Variants in NXPE4 observed in about 807,000 individuals in gnomAD.
NXPE4 encodes neurexophilin and PC-esterase domain family member 4.
NXPE4 carries 42 observed loss-of-function variants against 33.3 expected under a neutral mutation model. The observed-to-expected ratio is 1.26, with a 90% CI of 0.98 to 1.63. The LOEUF is 1.63. NXPE4 is among the 40% of genes most tolerant of loss of function. The pLI is 0.00. For synonymous variants in NXPE4, 253 were observed against 234.9 expected, an observed-to-expected ratio of 1.08 and a Z score of -0.71; for missense variants, 709 against 647.6, an observed-to-expected ratio of 1.09 and a Z score of -1.03.
chr11:114,592,174 G>A (rs1401020596), intron 2 of NXPE4, among the ~76,000 whole-genome samples: 1 of 152,060 alleles, frequency 6.6e-6, no homozygotes, highest in Non-Finnish European at 1.5e-5. Context: ...CCTAGCCAGA[G>A]CAATTAAGTC....
chr11:114,581,835 G>C (rs759453866), intron 3 of NXPE4, 49 bp from the exon 4 acceptor site: 1 of 1,185,170 alleles, frequency 8.4e-7, no homozygotes. Context: ...CTCAAATCAG[G>C]AAACATACAG....
At chr11:114,647,814 G>T in the NXPE4 span, among the ~76,000 whole-genome samples, 1 of 151,724 alleles carries the variant, frequency 6.6e-6, no homozygotes, top group Non-Finnish European at 1.5e-5. Flanking sequence ...CGATTCTCCT[G>T]CCTCAGCCTT....
the NXPE4 span, among the ~76,000 whole-genome samples, chr11:114,641,332 C>T: frequency 1.3e-5 from 2 of 151,930 alleles, no homozygotes; most frequent in Non-Finnish European, 1.5e-5. Flanking sequence ...AGAAGCAATA[C>T]GTTATTTTCA....
chr11:114,601,789 G>GATTATATATTATATAATTATATA, the NXPE4 span, among the ~76,000 whole-genome samples: 1 of 64,250 alleles, frequency 1.6e-5, no homozygotes, highest in Non-Finnish European at 2.6e-5. Flanking sequence ...TATATAACAT[G>GATTATATATTATATAATTATATA]TGATATATGA....
the NXPE4 span, among the ~76,000 whole-genome samples, chr11:114,601,533 T>TATAATATATATTATAATTATAA: frequency 9.8e-4 from 92 of 93,670 alleles, 2 homozygotes; most frequent in African/African-American, 3.9e-3. Context: ...TATAATTATA[T>TATAATATATATTATAATTATAA]ATAATATATA....
chr11:114,571,023 G>A lies in NXPE4; in HGVS notation c.1550C>T (p.Thr517Ile). 6.2e-7 allele frequency: 1 copy of A among 1,613,268 alleles called. No individual in the cohort carries two copies. The highest frequency in any genetic ancestry group is 8.5e-7 in the Non-Finnish European group (1 of 1,179,314). ...SVSIIDAWDI[T>I]IAYGTNNVHP... is the part of the protein sequence containing the mutation. ...TACATTATTTGTGCCATATGCAATT[G>A]TTATATCCCAGGCATCAATGATACT... The change falls in exon 6 of 6, where the codon ACA (threonine) becomes ATA (isoleucine). Residue 517 changes from threonine (T) to isoleucine (I), a missense_variant. By Grantham distance (89) the Thr-to-Ile change is moderately conservative. Transcript: ENST00000375478.
chr11:114,664,588 A>T, the NXPE4 span, among the ~76,000 whole-genome samples: 1 of 152,322 alleles, frequency 6.6e-6, no homozygotes, highest in African/African-American at 2.4e-5. Context: ...GAGCTCCTTG[A>T]AAGTACAGAT....
the NXPE4 span, among the ~76,000 whole-genome samples, chr11:114,622,352 G>T: frequency 2.6e-4 from 40 of 151,942 alleles, no homozygotes; most frequent in Non-Finnish European, 5.3e-4. Context: ...GTGTTGCCTC[G>T]TGGGTAACCA....
At chr11:114,606,482 T>C in the NXPE4 span, among the ~76,000 whole-genome samples, 2 of 151,284 alleles carry the variant, frequency 1.3e-5, no homozygotes, top group Non-Finnish European at 2.9e-5. Context: ...TAACCACTGT[T>C]CCTTGGTGGA....
chr11:114,591,754 C>A (rs1006000656), intron 2 of NXPE4, among the ~76,000 whole-genome samples: 1 of 152,028 alleles, frequency 6.6e-6, no homozygotes, highest in African/African-American at 2.4e-5. Flanking sequence ...CATGGAATTC[C>A]AGGCCCCTGT....
chr11:114,631,633 C>T, the NXPE4 span, among the ~76,000 whole-genome samples: 3 of 151,908 alleles, frequency 2.0e-5, no homozygotes, highest in African/African-American at 7.3e-5. Flanking sequence ...TGTAACTAAA[C>T]TGCACATTGT....
At chr11:114,661,016 G>C in the NXPE4 span, among the ~76,000 whole-genome samples, 4 of 152,172 alleles carry the variant, frequency 2.6e-5, no homozygotes, top group African/African-American at 9.6e-5. Flanking sequence ...ATTAAGAATG[G>C]CACGGAAAAC....
At chr11:114,639,947 TAA>T in the NXPE4 span, among the ~76,000 whole-genome samples, 1 of 108,534 alleles carries the variant, frequency 9.2e-6, no homozygotes, top group Non-Finnish European at 1.7e-5. Context: ...AAATATAACA[TAA>T]TAGTTTGTAT....
chr11:114,663,426 T>C, the NXPE4 span, among the ~76,000 whole-genome samples: 3 of 152,002 alleles, frequency 2.0e-5, no homozygotes, highest in Non-Finnish European at 2.9e-5. Flanking sequence ...TGGGTTTATG[T>C]AAAATAAAAT....
the NXPE4 span, among the ~76,000 whole-genome samples, chr11:114,631,246 CA>C: frequency 6.6e-6 from 1 of 151,776 alleles, no homozygotes; most frequent in Admixed American, 6.6e-5. Context: ...CGGCATTATT[CA>C]CAATAGCAAA....
At chr11:114,612,435 G>T in the NXPE4 span, among the ~76,000 whole-genome samples, 3 of 151,638 alleles carry the variant, frequency 2.0e-5, no homozygotes, top group Non-Finnish European at 4.4e-5. Flanking sequence ...GTTGCCTCGT[G>T]GGTCACCACT....
At chr11:114,639,464 G>A in the NXPE4 span, among the ~76,000 whole-genome samples, 5 of 151,356 alleles carry the variant, frequency 3.3e-5, no homozygotes, top group South Asian at 2.1e-4. Flanking sequence ...TGCACGCTGC[G>A]CTGCCCCCAC....
chr11:114,618,840 C>A, the NXPE4 span, among the ~76,000 whole-genome samples: 53 of 151,488 alleles, frequency 3.5e-4, no homozygotes, highest in African/African-American at 1.2e-3. Flanking sequence ...TCGTGGGCAA[C>A]CATTGGTACC....
upstream of NXPE4, among the ~76,000 whole-genome samples, chr11:114,599,606 T>C (rs1949615273): frequency 6.6e-6 from 1 of 152,176 alleles, no homozygotes; most frequent in African/African-American, 2.4e-5. Context: ...GGGAGCATGG[T>C]AGCTTCTGCT....
Sources: allele counts gnomAD v4.1 joint callset (sites outside exome capture counted in the v4.1 genomes callset), GRCh38; gene constraint gnomAD v4.1.1; transcripts MANE v1.5; gene names NCBI Gene and HGNC (gene_info 2026-07-23, HGNC 2026-07-21).